Variants in DENND5B observed in about 807,000 individuals in gnomAD.
The protein encoded by DENND5B is DENN domain containing 5B.
A neutral mutation model predicts 140.6 loss-of-function variants in DENND5B; 34 were observed. That is an observed-to-expected ratio of 0.24 (90% CI 0.18 to 0.32). DENND5B has a LOEUF of 0.32. DENND5B is among the 10% of genes least tolerant of loss of function. DENND5B has a pLI of 1.00. For missense variants in DENND5B, 1,142 were observed against 1,560.2 expected, an observed-to-expected ratio of 0.73 and a Z score of 4.52; for synonymous variants, 551 against 562.1, an observed-to-expected ratio of 0.98 and a Z score of 0.28.
rs148024210 is a variant in DENND5B at position 31,555,826 on chromosome 12, G to A, written c.127+34880C>T. On this transcript the variant is annotated intron_variant, in intron 1 of 20. Coordinates refer to ENST00000389082, the MANE Select transcript of DENND5B (RefSeq NM_144973.4). ...TCGGACTGCTATGCTAGCAATGAGCGAGACTCCCTGGGAGTAGGACCCTCC... is the reference window on the plus strand; with the variant it reads ...TCGGACTGCTATGCTAGCAATGAGCAAGACTCCCTGGGAGTAGGACCCTCC... Among the ~76,000 whole-genome samples the A allele has an allele frequency of 9.7e-3, 1,472 of 152,260 alleles. 27 individuals carry two copies. Among genetic ancestry groups the A allele is most frequent in the African/African-American group, 0.033 (1,388 of 41,538 alleles).
intron 1 of DENND5B, among the ~76,000 whole-genome samples, chr12:31,556,973 A>G (rs1197396261): frequency 2.6e-5 from 4 of 152,234 alleles, no homozygotes; most frequent in Non-Finnish European, 5.9e-5. Flanking sequence ...AATAACAAAA[A>G]AATCAAAACA....
intron 4 of DENND5B, among the ~76,000 whole-genome samples, chr12:31,457,992 G>C (rs1171985458): frequency 2.0e-5 from 3 of 152,142 alleles, no homozygotes; most frequent in African/African-American, 7.2e-5. Context: ...GGGATTACAG[G>C]CGTGAGCCAC....
rs1004272870 is a variant in DENND5B, at chr12:31,382,886, C to T, written c.*4717G>A. On this transcript the variant is annotated 3_prime_UTR_variant, in exon 21 of 21. Transcript: ENST00000389082. ...CAAAAAGCTTAGAATTCAGTTGATT[C>T]AAGGGATTTATAAATTTATTTTAAT... 9 of 152,042 alleles carry T rather than the reference C, an allele frequency of 5.9e-5. No homozygotes were observed. Among genetic ancestry groups the T allele is most frequent in the East Asian group, 5.8e-4 (3 of 5,196 alleles). The allele number at this position is 152,042 out of a possible 1,614,324, so 9.4% of individuals were successfully genotyped here.
chr12:31,588,472 GT>G (rs1007456378), intron 1 of DENND5B, among the ~76,000 whole-genome samples: 14 of 152,270 alleles, frequency 9.2e-5, no homozygotes, highest in African/African-American at 3.1e-4. Flanking sequence ...GCCTACAATG[GT>G]TGCATCTGTA....
At chr12:31,461,022 G>C (rs1416060763) in intron 3 of DENND5B, among the ~76,000 whole-genome samples, 1 of 152,102 alleles carries the variant, frequency 6.6e-6, no homozygotes, top group Non-Finnish European at 1.5e-5. Flanking sequence ...CACCGCACCA[G>C]GCCAGTGTAA....
intron 1 of DENND5B, among the ~76,000 whole-genome samples, chr12:31,529,966 C>T (rs528517310): frequency 4.6e-5 from 7 of 152,030 alleles, no homozygotes; most frequent in African/African-American, 1.2e-4. Flanking sequence ...TTGTGTTATA[C>T]AAATTAAACA....
intron 1 of DENND5B, among the ~76,000 whole-genome samples, chr12:31,510,460 C>T (rs1299181248): frequency 6.6e-6 from 1 of 152,174 alleles, no homozygotes; most frequent in African/African-American, 2.4e-5. Flanking sequence ...GGACCACAGG[C>T]GCCCGCCACC....
At position 31,590,801 on chromosome 12, in the gene DENND5B, C is replaced by A. The variant is rs1015310167; in HGVS notation, c.32G>T (p.Gly11Val). The change falls in exon 1 of 21, where the codon GGC (glycine) becomes GTC (valine). Residue 11 changes from glycine to valine, a missense_variant. Physicochemically the swap from Gly to Val is moderately radical, Grantham distance 109. Around this residue, in one of 5 missense-constraint regions of DENND5B, gnomAD observed 708 missense variants for 905.5 expected, o/e 0.78. Transcript: ENST00000389082. Reference sequence around the variant, plus strand: ...GCAGGCGGCCGGGGAGGAGCCCGAGCCCGGGCCGGGCGCCGCGCAGCTCCC... The same window carrying A: ...GCAGGCGGCCGGGGAGGAGCCCGAGACCGGGCCGGGCGCCGCGCAGCTCCC... MSGSCAAPGPGSGSSPAACRF... is the reference protein window; with the variant it reads MSGSCAAPGPVSGSSPAACRF... 1.1e-4 allele frequency: 146 copies of A among 1,315,194 alleles called. No individual in the cohort carries two copies. Among genetic ancestry groups the A allele is most frequent in the Non-Finnish European group, 1.3e-4 (138 of 1,034,702 alleles). The allele number at this position is 1,315,194 out of a possible 1,614,324, so 81.5% of individuals were successfully genotyped here. A position where few individuals can be genotyped will look rare whatever the true frequency, so the allele number is the denominator to read the frequency against.
Position 31,479,700 on chromosome 12 carries a change from G to C in DENND5B, c.793C>G (p.Pro265Ala), listed in dbSNP as rs746105198. 6.3e-7 allele frequency: 1 copy of C among 1,594,686 alleles called. No homozygotes were observed. Among genetic ancestry groups the C allele is most frequent in the Non-Finnish European group, 8.5e-7 (1 of 1,170,528 alleles). Reference protein sequence around the residue: ...ICQRPGPSELPLSDYPLREAF... With the variant: ...ICQRPGPSELALSDYPLREAF... ...TCCCGAAGGGGGTAATCAGAGAGGG[G>C]GAGTTCACTGGGCCCAGGCCTCTGG... Residue 265 changes from proline to alanine, a missense_variant, in exon 3 of 21, where the codon CCC becomes GCC. Physicochemically the swap from Pro to Ala is conservative, Grantham distance 27 (BLOSUM62 -1). Around this residue, in one of 5 missense-constraint regions of DENND5B, gnomAD observed 708 missense variants for 905.5 expected, o/e 0.78. Transcript: ENST00000389082.
chr12:31,443,658 C>T (rs762351583), intron 6 of DENND5B: 8 of 152,078 alleles, frequency 5.3e-5, no homozygotes, highest in Non-Finnish European at 1.0e-4. Context: ...AGAGAAGACG[C>T]AAGCACAATG....
intron 1 of DENND5B, among the ~76,000 whole-genome samples, chr12:31,569,795 G>A (rs1372372255): frequency 6.6e-6 from 1 of 151,824 alleles, no homozygotes; most frequent in East Asian, 1.9e-4. Flanking sequence ...CTGGGCAACA[G>A]AGTGAGACTC....
intron 13 of DENND5B, among the ~76,000 whole-genome samples, chr12:31,411,674 C>T (rs1486712978): frequency 6.6e-6 from 1 of 151,952 alleles, no homozygotes; most frequent in Non-Finnish European, 1.5e-5. Flanking sequence ...AAAAAAACCA[C>T]GCCAGTTTTA....
In DENND5B at chr12:31,442,257, T is replaced by C. The variant is rs143996762; in HGVS notation, c.2012+518A>G. ...TGTGACAGGCTGTTGCTAAACTCTC[T>C]TATGTTCTCCTAAAAGCTGGAAAAG... On this transcript the variant is annotated intron_variant, in intron 7 of 20. Coordinates refer to ENST00000389082, the MANE Select transcript of DENND5B (RefSeq NM_144973.4). Among the ~76,000 whole-genome samples the C allele has an allele frequency of 1.6e-3, 237 of 152,304 alleles. 1 individual carries two copies. The highest frequency in any genetic ancestry group is 5.2e-3 in the African/African-American group (217 of 41,572).
intron 1 of DENND5B, among the ~76,000 whole-genome samples, chr12:31,586,890 G>A (rs2139523065): frequency 6.6e-6 from 1 of 152,290 alleles, no homozygotes; most frequent in East Asian, 1.9e-4. Flanking sequence ...TGAAATTAAT[G>A]CAGCAAAACA....
rs774095295 is a variant in DENND5B at position 31,451,932 on chromosome 12, C to A, written c.1629+8G>T. ...TAACCACAAAAGGAAAACTATGGTTCTTTTTACTTTGTCAAAGTTCTGCAT... is the reference window on the plus strand; with the variant it reads ...TAACCACAAAAGGAAAACTATGGTTATTTTTACTTTGTCAAAGTTCTGCAT... On this transcript the variant is annotated splice_region_variant and intron_variant, in intron 5 of 20. Coordinates refer to ENST00000389082, the MANE Select transcript of DENND5B (RefSeq NM_144973.4). 4.3e-6 allele frequency: 7 copies of A among 1,612,530 alleles called. No individual in the cohort carries two copies. Among genetic ancestry groups the A allele is most frequent in the Non-Finnish European group, 5.9e-6 (7 of 1,179,556 alleles).
intron 1 of DENND5B, chr12:31,506,400 C>T (rs1392092706): frequency 6.6e-6 from 1 of 152,128 alleles, no homozygotes. Flanking sequence ...GCACTCGGAC[C>T]TGCCTAAATA....
At chr12:31,403,897 C>A (rs9737629) in intron 14 of DENND5B, among the ~76,000 whole-genome samples, 7,185 of 36,332 alleles carry the variant, frequency 0.2, 1,367 homozygotes, top group Middle Eastern at 0.42. Context: ...ACTCCATCTC[C>A]AAAAAAAAAA....
intron 15 of DENND5B, among the ~76,000 whole-genome samples, chr12:31,401,890 G>A (rs1941814212): frequency 6.6e-6 from 1 of 152,086 alleles, no homozygotes; most frequent in African/African-American, 2.4e-5. Context: ...CTCCCAAAGT[G>A]TTGAGATTAT....
At chr12:31,567,525 TAAAAAAAAAAAA>T (rs35048750) in intron 1 of DENND5B, among the ~76,000 whole-genome samples, 5 of 91,746 alleles carry the variant, frequency 5.4e-5, no homozygotes, top group Non-Finnish European at 1.0e-4. Context: ...AGACTCTGTC[TAAAAAAAAAAAA>T]AAAAAAAAAG....
Sources: gnomAD v4.1 joint callset for allele counts (sites outside exome capture counted in the v4.1 genomes callset) on GRCh38, gnomAD v4.1.1 for gene constraint, gnomAD v4.1.1 regional missense constraint, MANE v1.5 for transcripts, NCBI Gene and HGNC (gene_info 2026-07-23, HGNC 2026-07-21) for gene names.